The following CSMD1 variants were observed in gnomAD, a reference collection of about 807,000 sequenced individuals.
The protein encoded by CSMD1 is CUB and Sushi multiple domains 1, also known as CUB and sushi domain-containing protein 1.
In CSMD1, 213 loss-of-function variants were observed where a neutral mutation model predicts 417.5. The ratio of observed to expected loss-of-function variants is 0.51; its 90% CI spans 0.46 to 0.57. The LOEUF is 0.57. CSMD1 is among the 20% of genes least tolerant of loss of function. The pLI, the probability that CSMD1 is intolerant of heterozygous loss-of-function variation, is 0.00. For synonymous variants in CSMD1, 2,862 were observed against 1,736.8 expected (o/e 1.65, Z -16.11); for missense variants, 6,923 against 4,529.7 (o/e 1.53, Z -15.17).
At chr8:4,902,078 G>A (rs1456608308) in intron 1 of CSMD1, among the ~76,000 whole-genome samples, 1 of 152,080 alleles carries the variant, frequency 6.6e-6, no homozygotes, top group South Asian at 2.1e-4. Flanking sequence ...ATATATATGT[G>A]TATATTTGTT....
intron 65 of CSMD1, among the ~76,000 whole-genome samples, chr8:2,954,015 T>C (rs1360432448): frequency 6.6e-6 from 1 of 152,286 alleles, no homozygotes; most frequent in Non-Finnish European, 1.5e-5. Context: ...GTTTTCTTTT[T>C]AAGGGAAGTA....
intron 1 of CSMD1, among the ~76,000 whole-genome samples, chr8:4,824,572 A>G (rs1799708377): frequency 6.6e-6 from 1 of 152,182 alleles, no homozygotes; most frequent in Non-Finnish European, 1.5e-5. Flanking sequence ...AACAGTCTCA[A>G]ACAAGACAGT....
rs541461784 is a variant in CSMD1, at chr8:4,180,507, G to A, written c.416-148408C>T. ...ACGAGTTAGTGGGTGCAGCACACCAGCATGGCACATGTATACATATGTAAC... is the reference window on the plus strand; with the variant it reads ...ACGAGTTAGTGGGTGCAGCACACCAACATGGCACATGTATACATATGTAAC... On this transcript the variant is annotated intron_variant, in intron 3 of 69. Coordinates refer to ENST00000635120, the MANE Select transcript of CSMD1 (RefSeq NM_033225.6). 3.4e-4 allele frequency among the ~76,000 whole-genome samples: 51 copies of A among 151,604 alleles called. No homozygotes were observed. The Middle Eastern group carries it at 0.014, about 41-fold the overall frequency.
chr8:3,810,144 C>G (rs1409327383), intron 5 of CSMD1, among the ~76,000 whole-genome samples: 3 of 151,654 alleles, frequency 2.0e-5, no homozygotes, highest in East Asian at 1.9e-4. Flanking sequence ...CAGGCCCCAA[C>G]TGACTATCAT....
intron 10 of CSMD1, among the ~76,000 whole-genome samples, chr8:3,503,642 G>A (rs890811569): frequency 3.8e-4 from 58 of 152,272 alleles, no homozygotes; most frequent in African/African-American, 1.3e-3. Context: ...TTCTCTTTGT[G>A]CTGCCCTGCT....
intron 5 of CSMD1, among the ~76,000 whole-genome samples, chr8:3,823,571 T>C (rs958970881): frequency 3.3e-5 from 5 of 152,180 alleles, no homozygotes; most frequent in African/African-American, 4.8e-5. Context: ...ACAATTATAA[T>C]GCAATGGATA....
At chr8:3,108,457 G>A (rs1816289652) in intron 44 of CSMD1, 146 bp downstream of exon 44, 1 of 698,800 alleles carries the variant, frequency 1.4e-6, no homozygotes, top group Non-Finnish European at 2.3e-6. Context: ...AAGGACCACA[G>A]GAAACGCTGG....
chr8:3,946,639 G>T (rs370233190), intron 5 of CSMD1, among the ~76,000 whole-genome samples: 2 of 152,100 alleles, frequency 1.3e-5, no homozygotes. Flanking sequence ...ACCATCTACA[G>T]ATGAATAAAC....
chr8:3,597,099 G>A (rs1801130817), intron 8 of CSMD1, among the ~76,000 whole-genome samples: 1 of 152,168 alleles, frequency 6.6e-6, no homozygotes, highest in Non-Finnish European at 1.5e-5. Flanking sequence ...TGGCTGCACT[G>A]AGCCTGCTGA....
At chr8:4,077,045 G>A (rs868663178) in intron 3 of CSMD1, among the ~76,000 whole-genome samples, 1 of 151,932 alleles carries the variant, frequency 6.6e-6, no homozygotes, top group Non-Finnish European at 1.5e-5. Flanking sequence ...GTACTATGTG[G>A]TATCTAACCC....
At chr8:3,800,618 C>T (rs1480718947) in intron 5 of CSMD1, among the ~76,000 whole-genome samples, 1 of 152,038 alleles carries the variant, frequency 6.6e-6, no homozygotes, top group South Asian at 2.1e-4. Flanking sequence ...CAGTGTTGGG[C>T]CTAGAAGAGG....
rs181488127 is a variant in CSMD1, at chr8:4,807,835, C to A, written c.86-170277G>T. Among the ~76,000 whole-genome samples the A allele has an allele frequency of 1.4e-3, 207 of 152,114 alleles. 3 individuals carry two copies. Among genetic ancestry groups the A allele is most frequent in the African/African-American group, 4.9e-3 (203 of 41,500 alleles). ...CCAGCCATAATATTAATAATAATAGCAAGCTATGTTATTGTTAATATTACT... is the reference window on the plus strand; with the variant it reads ...CCAGCCATAATATTAATAATAATAGAAAGCTATGTTATTGTTAATATTACT... On this transcript the variant is annotated intron_variant, in intron 1 of 69. Coordinates refer to ENST00000635120, the MANE Select transcript of CSMD1 (RefSeq NM_033225.6).
chr8:4,591,720 G>A (rs1300343205), intron 2 of CSMD1, among the ~76,000 whole-genome samples: 1 of 152,154 alleles, frequency 6.6e-6, no homozygotes, highest in Non-Finnish European at 1.5e-5. Context: ...AAATTGCAGA[G>A]AAGGTTTTAA....
At position 3,564,425 on chromosome 8, in the gene CSMD1, C is replaced by A. The variant is rs138906503; in HGVS notation, c.1344+10520G>T. ...TAAATAGTTGCAAGTCTATTGTCTACAGCTGTGCTGTTATTCTTTACCTCT... is the reference window on the plus strand; with the variant it reads ...TAAATAGTTGCAAGTCTATTGTCTAAAGCTGTGCTGTTATTCTTTACCTCT... On this transcript the variant is annotated intron_variant, in intron 10 of 69. Transcript: ENST00000635120. Among the ~76,000 whole-genome samples, 116 of 152,168 alleles carry A rather than the reference C, an allele frequency of 7.6e-4. 1 individual carries two copies. The highest frequency in any genetic ancestry group is 3.4e-3 in the Middle Eastern group (1 of 294).
chr8:3,431,615 T>A (rs1191512458), intron 12 of CSMD1, among the ~76,000 whole-genome samples: 4 of 152,182 alleles, frequency 2.6e-5, no homozygotes, highest in African/African-American at 9.7e-5. Flanking sequence ...TTACCTCATT[T>A]CCACCAATAA....
chr8:2,939,025 C>T (rs1801682144), intron 69 of CSMD1, among the ~76,000 whole-genome samples: 1 of 152,168 alleles, frequency 6.6e-6, no homozygotes, highest in Non-Finnish European at 1.5e-5. Flanking sequence ...AGTGCAGTGG[C>T]ACGACCACCA....
chr8:4,390,180 G>C (rs972366500), intron 3 of CSMD1, among the ~76,000 whole-genome samples: 2 of 152,174 alleles, frequency 1.3e-5, no homozygotes, highest in Admixed American at 6.5e-5. Context: ...TGCATTTCCT[G>C]AGTCTGGCTG....
chr8:3,485,526 T>C (rs1003570554), intron 11 of CSMD1, among the ~76,000 whole-genome samples: 4 of 136,060 alleles, frequency 2.9e-5, no homozygotes, highest in African/African-American at 2.8e-5. Context: ...TTCATAACAA[T>C]ACACACACAC....
In CSMD1 at chr8:3,839,433, TA is replaced by T. The variant is rs1326995710; in HGVS notation, c.819-85392del. Among the ~76,000 whole-genome samples the T allele has an allele frequency of 3.9e-4, 20 of 51,828 alleles. No homozygotes were observed. The Admixed American group carries it at 4.7e-3, about 12-fold the overall frequency. 34.0% of individuals were successfully genotyped at this position (51,828 alleles called of 152,430 possible). A position where few individuals can be genotyped will look rare whatever the true frequency, so the allele number is the denominator to read the frequency against. On this transcript the variant is annotated intron_variant, in intron 5 of 69. Transcript: ENST00000635120. The stretch of plus-strand genomic sequence containing the variant: ...TAAAAAATAAATATATATAATAAAT[TA>T]ATATTATATATTATAATATAATATA...
Sources: allele counts gnomAD v4.1 joint callset (sites outside exome capture counted in the v4.1 genomes callset), GRCh38; gene constraint gnomAD v4.1.1; transcripts MANE v1.5; gene names NCBI Gene and HGNC (gene_info 2026-07-23, HGNC 2026-07-21).